The following ERC2 variants were observed in gnomAD, a reference collection of about 807,000 sequenced individuals.
ERC2 encodes the protein ELKS/RAB6-interacting/CAST family member 2, also known as ERC protein 2.
Under a neutral mutation model 114.8 loss-of-function variants are expected in ERC2, and 42 were observed. The ratio of observed to expected loss-of-function variants is 0.37; its 90% CI spans 0.29 to 0.47. ERC2 has a LOEUF of 0.47. Among genes scored for constraint, ERC2 ranks in the 20% least tolerant of loss-of-function variants. The pLI is 0.99. For synonymous variants in ERC2, 454 were observed against 425.5 expected, an observed-to-expected ratio of 1.07 and a Z score of -0.82; for missense variants, 939 against 1,150.7, an observed-to-expected ratio of 0.82 and a Z score of 2.66.
chr3:55,915,523 A>G (rs1220258691), intron 13 of ERC2, among the ~76,000 whole-genome samples: 1 of 152,212 alleles, frequency 6.6e-6, no homozygotes, highest in Non-Finnish European at 1.5e-5. Context: ...GTCACATGAC[A>G]GCTATACATT....
At chr3:55,666,311 G>A (rs974151229) in intron 17 of ERC2, among the ~76,000 whole-genome samples, 11 of 152,118 alleles carry the variant, frequency 7.2e-5, no homozygotes, top group Admixed American at 3.3e-4. Context: ...TCCTCCCTCT[G>A]TACCTCCACC....
chr3:55,813,864 C>T (rs2059809837), intron 14 of ERC2, among the ~76,000 whole-genome samples: 3 of 152,162 alleles, frequency 2.0e-5, no homozygotes, highest in Admixed American at 2.0e-4. Context: ...GCCACATTGG[C>T]TCATTTAGTC....
intron 7 of ERC2, among the ~76,000 whole-genome samples, chr3:56,071,507 C>T (rs947018522): frequency 1.3e-5 from 2 of 152,166 alleles, no homozygotes; most frequent in Admixed American, 6.5e-5. Context: ...TCAGCATAAC[C>T]AAAGTTACAT....
intron 2 of ERC2, among the ~76,000 whole-genome samples, chr3:56,417,632 A>G (rs562666494): frequency 1.3e-5 from 2 of 152,334 alleles, no homozygotes; most frequent in East Asian, 3.9e-4. Flanking sequence ...TTTTACAGGT[A>G]AGGAAACAAG....
At chr3:55,629,159 C>T (rs1263136067) in intron 17 of ERC2, among the ~76,000 whole-genome samples, 1 of 152,082 alleles carries the variant, frequency 6.6e-6, no homozygotes, top group African/African-American at 2.4e-5. Flanking sequence ...ATTACACTTG[C>T]AGTCTCCTGG....
intron 7 of ERC2, among the ~76,000 whole-genome samples, chr3:56,031,236 T>A (rs921244480): frequency 1.3e-5 from 2 of 152,190 alleles, no homozygotes; most frequent in African/African-American, 4.8e-5. Context: ...AACAGGCTCA[T>A]CCCTGTGGAC....
At chr3:56,382,120 C>A (rs548478798) in intron 2 of ERC2, among the ~76,000 whole-genome samples, 1 of 146,738 alleles carries the variant, frequency 6.8e-6, no homozygotes, top group South Asian at 2.1e-4. Flanking sequence ...ACCTGCAGCA[C>A]CCCATCAACT....
intron 14 of ERC2, among the ~76,000 whole-genome samples, chr3:55,746,180 C>T (rs1179933375): frequency 6.6e-6 from 1 of 151,996 alleles, no homozygotes; most frequent in Non-Finnish European, 1.5e-5. Flanking sequence ...GAAGGGGGCA[C>T]ATTCTGGAAT....
chr3:56,165,993 C>T (rs1575652524), intron 4 of ERC2, among the ~76,000 whole-genome samples: 1 of 151,926 alleles, frequency 6.6e-6, no homozygotes, highest in Non-Finnish European at 1.5e-5. Context: ...AAGCTTTCAA[C>T]ATTTTACCAT....
chr3:55,905,244 C>A (rs1248344167), intron 13 of ERC2, among the ~76,000 whole-genome samples: 1 of 152,156 alleles, frequency 6.6e-6, no homozygotes. Context: ...TCACGCCCAG[C>A]TAATTTTTGT....
chr3:56,061,478 G>A (rs2076243181), intron 7 of ERC2, among the ~76,000 whole-genome samples: 2 of 152,134 alleles, frequency 1.3e-5, no homozygotes, highest in Admixed American at 6.6e-5. Flanking sequence ...CACAGTGTTT[G>A]TTTAGTTCCC....
chr3:56,342,657 G>A (rs996763994), intron 2 of ERC2, among the ~76,000 whole-genome samples: 6 of 152,206 alleles, frequency 3.9e-5, no homozygotes, highest in African/African-American at 1.4e-4. Context: ...TAGGGAAGGA[G>A]AACTGTCACA....
Position 55,782,675 on chromosome 3 carries a change from G to A in ERC2, c.2565-47757C>T, listed in dbSNP as rs17055972. 1.8e-3 allele frequency among the ~76,000 whole-genome samples: 275 copies of A among 152,252 alleles called. 1 individual carries two copies. The highest frequency in any genetic ancestry group is 6.3e-3 in the African/African-American group (260 of 41,544). On this transcript the variant is annotated intron_variant, in intron 14 of 17. Transcript: ENST00000288221. ...GAAAATGGAATAGGGAGCAAAGATCGTATCACTACCATGAACAGGGTGTTA... is the reference window on the plus strand; with the variant it reads ...GAAAATGGAATAGGGAGCAAAGATCATATCACTACCATGAACAGGGTGTTA...
At chr3:55,838,475 G>A (rs1207946644) in intron 14 of ERC2, among the ~76,000 whole-genome samples, 1 of 151,924 alleles carries the variant, frequency 6.6e-6, no homozygotes, top group African/African-American at 2.4e-5. Context: ...TAAAAAGGAA[G>A]TCACAAGGGA....
At chr3:56,313,413 C>T in intron 2 of ERC2, among the ~76,000 whole-genome samples, 1 of 152,034 alleles carries the variant, frequency 6.6e-6, no homozygotes, top group Non-Finnish European at 1.5e-5. Flanking sequence ...CGGATGCCTT[C>T]CTATTTCCCA....
intron 3 of ERC2, among the ~76,000 whole-genome samples, chr3:56,244,184 C>T (rs929426275): frequency 1.8e-4 from 27 of 152,118 alleles, no homozygotes; most frequent in Admixed American, 7.2e-4. Context: ...GTGACATCAT[C>T]GCCTTCGTGA....
chr3:55,558,102 T>G (rs1278655984), intron 17 of ERC2, among the ~76,000 whole-genome samples: 1 of 152,238 alleles, frequency 6.6e-6, no homozygotes, highest in African/African-American at 2.4e-5. Flanking sequence ...GAACATGAGC[T>G]ACCATCATAT....
intron 14 of ERC2, among the ~76,000 whole-genome samples, chr3:55,852,863 A>G (rs1006221026): frequency 1.3e-5 from 2 of 152,220 alleles, no homozygotes; most frequent in African/African-American, 4.8e-5. Context: ...CATAGTCATT[A>G]GCCCTTTATA....
chr3:56,135,155 G>A (rs1329498031), intron 6 of ERC2, among the ~76,000 whole-genome samples: 1 of 151,990 alleles, frequency 6.6e-6, no homozygotes, highest in African/African-American at 2.4e-5. Flanking sequence ...GTTTCACAAT[G>A]TTGGTCAGGC....
Sources: allele counts gnomAD v4.1 joint callset (sites outside exome capture counted in the v4.1 genomes callset), GRCh38; gene constraint gnomAD v4.1.1; transcripts MANE v1.5; gene names NCBI Gene and HGNC (gene_info 2026-07-23, HGNC 2026-07-21).